SPRED1: variants seen among roughly 807,000 people sequenced by gnomAD.
SPRED1 encodes sprouty-related, EVH1 domain-containing protein 1.
SPRED1 carries 18 observed loss-of-function variants against 52.3 expected under a neutral mutation model. That is an observed-to-expected ratio of 0.34 (90% CI 0.24 to 0.51). The LOEUF (loss-of-function observed/expected upper bound fraction) is 0.51. SPRED1 is among the 20% of genes least tolerant of loss of function. The pLI is 0.97. For missense variants in SPRED1, 485 were observed against 551.0 expected, an observed-to-expected ratio of 0.88 and a Z score of 1.20; for synonymous variants, 155 against 179.7, an observed-to-expected ratio of 0.86 and a Z score of 1.10.
At chr15:38,345,505 G>T (rs1429559305) in intron 5 of SPRED1, among the ~76,000 whole-genome samples, 4 of 152,206 alleles carry the variant, frequency 2.6e-5, no homozygotes, top group Admixed American at 2.6e-4. Flanking sequence ...GATTAAGCTA[G>T]CAAGTTAACG....
chr15:38,261,862 G>A (rs748953667), intron 1 of SPRED1, among the ~76,000 whole-genome samples: 9 of 152,200 alleles, frequency 5.9e-5, no homozygotes, highest in Non-Finnish European at 1.2e-4. Flanking sequence ...CTATATATTA[G>A]CATCCCGTGG....
At position 38,253,082 on chromosome 15, in the gene SPRED1, C is replaced by T; in HGVS notation, c.-104C>T. ...TGGTGAGGCCCCTGTGCCGCTGCCCCCGCGCCCCCCCGGCCGCCGCTGCCT... is the reference window on the plus strand; with the variant it reads ...TGGTGAGGCCCCTGTGCCGCTGCCCTCGCGCCCCCCCGGCCGCCGCTGCCT... On this transcript the variant is annotated 5_prime_UTR_variant, in exon 1 of 7. Coordinates refer to ENST00000299084, the MANE Select transcript of SPRED1 (RefSeq NM_152594.3). 1 of 985,468 alleles carries T rather than the reference C, an allele frequency of 1.0e-6. No homozygotes were observed. The highest frequency in any genetic ancestry group is 1.4e-5 in the South Asian group (1 of 72,916). The allele number at this position is 985,468 out of a possible 1,614,324, so 61.0% of individuals were successfully genotyped here.
chr15:38,345,677 G>A (rs183020746), intron 5 of SPRED1, among the ~76,000 whole-genome samples: 2 of 152,216 alleles, frequency 1.3e-5, no homozygotes, highest in South Asian at 2.1e-4. Context: ...TTGTCCACTC[G>A]GTGGGTTTGC....
intron 1 of SPRED1, among the ~76,000 whole-genome samples, chr15:38,294,716 A>G (rs1247756469): frequency 1.3e-5 from 2 of 152,212 alleles, no homozygotes; most frequent in African/African-American, 4.8e-5. Flanking sequence ...GCTGTTAGAA[A>G]TGTATCCAAA....
intron 1 of SPRED1, among the ~76,000 whole-genome samples, chr15:38,276,319 G>A (rs1012335037): frequency 6.6e-6 from 1 of 150,500 alleles, no homozygotes; most frequent in Non-Finnish European, 1.5e-5. Flanking sequence ...TAATTCAAAT[G>A]ACTTAGGATT....
intron 1 of SPRED1, among the ~76,000 whole-genome samples, chr15:38,273,215 G>A (rs986079594): frequency 2.6e-5 from 4 of 152,088 alleles, no homozygotes; most frequent in African/African-American, 9.7e-5. Flanking sequence ...GGCTGGGATA[G>A]CTGGCTAGCC....
At chr15:38,268,363 A>G (rs1894356913) in intron 1 of SPRED1, 1 of 152,270 alleles carries the variant, frequency 6.6e-6, no homozygotes, top group African/African-American at 2.4e-5. Flanking sequence ...AATACTTCAC[A>G]GTAGTTTAGA....
At chr15:38,291,859 G>A (rs981351676) in intron 1 of SPRED1, among the ~76,000 whole-genome samples, 1 of 152,170 alleles carries the variant, frequency 6.6e-6, no homozygotes, top group African/African-American at 2.4e-5. Flanking sequence ...GGTCTTTGAC[G>A]TGGCCTGGAG....
intron 1 of SPRED1, among the ~76,000 whole-genome samples, chr15:38,296,677 A>G (rs77737966): frequency 0.091 from 13,812 of 152,238 alleles, 757 homozygotes; most frequent in East Asian, 0.21. Flanking sequence ...CCTCCAAAAT[A>G]TAACCAAATC....
At chr15:38,309,711 GT>G (rs1162590165) in intron 2 of SPRED1, among the ~76,000 whole-genome samples, 3 of 152,108 alleles carry the variant, frequency 2.0e-5, no homozygotes, top group Non-Finnish European at 2.9e-5. Flanking sequence ...TTTCCTGAAA[GT>G]TTTATATAAT....
In SPRED1 at chr15:38,322,405, T is replaced by C. The variant is rs2140994948; in HGVS notation, c.372T>C (p.Ser124=). The change falls in exon 3 of 7, where the codon TCT becomes TCC. Residue 124 remains serine (S), a synonymous_variant. Coordinates refer to ENST00000299084, the MANE Select transcript of SPRED1 (RefSeq NM_152594.3). ...RGIRRAIEDI[S]QGCPESKNEA... The stretch of plus-strand genomic sequence containing the variant: ...TCCGAAGAGCTATAGAGGATATTTC[T>C]CAAGGTAGGTATTCTTGACTATTTT... The C allele has an allele frequency of 6.2e-7, 1 of 1,613,604 alleles. No homozygotes were observed. Among genetic ancestry groups the C allele is most frequent in the South Asian group, 1.1e-5 (1 of 91,074 alleles).
At chr15:38,262,618 G>A (rs1464386128) in intron 1 of SPRED1, among the ~76,000 whole-genome samples, 2 of 152,210 alleles carry the variant, frequency 1.3e-5, no homozygotes, top group Non-Finnish European at 1.5e-5. Context: ...ATTGTGAGTA[G>A]TGTAGATTTG....
intron 4 of SPRED1, among the ~76,000 whole-genome samples, chr15:38,329,223 A>C (rs1385573744): frequency 1.3e-5 from 2 of 152,178 alleles, no homozygotes; most frequent in Non-Finnish European, 2.9e-5. Context: ...GGCAGAAGAA[A>C]GATGAGATCT....
At chr15:38,347,461 C>CTTTTTTTTT (rs3075337) in intron 5 of SPRED1, among the ~76,000 whole-genome samples, 6 of 93,244 alleles carry the variant, frequency 6.4e-5, no homozygotes, top group African/African-American at 2.0e-4. Context: ...CCGCTTGGAT[C>CTTTTTTTTT]TTTTTTTTTT....
At chr15:38,262,129 A>G (rs192009063) in intron 1 of SPRED1, among the ~76,000 whole-genome samples, 7 of 151,846 alleles carry the variant, frequency 4.6e-5, no homozygotes, top group Admixed American at 2.0e-4. Flanking sequence ...GATTATATAT[A>G]TTGACTTTTT....
intron 2 of SPRED1, among the ~76,000 whole-genome samples, chr15:38,311,925 G>A (rs1427250244): frequency 6.6e-6 from 1 of 151,780 alleles, no homozygotes; most frequent in Non-Finnish European, 1.5e-5. Context: ...CTTGCTTTGG[G>A]TTTATTTTGC....
intron 4 of SPRED1, among the ~76,000 whole-genome samples, chr15:38,329,356 G>A (rs1161419627): frequency 6.6e-6 from 1 of 152,154 alleles, no homozygotes; most frequent in Admixed American, 6.5e-5. Flanking sequence ...AGAAGGCTAT[G>A]ATTTATGTTT....
chr15:38,341,494 A>G (rs1361385668), intron 5 of SPRED1, among the ~76,000 whole-genome samples: 1 of 151,812 alleles, frequency 6.6e-6, no homozygotes, highest in African/African-American at 2.4e-5. Flanking sequence ...ACATTTTACA[A>G]TATTTTCTAG....
chr15:38,284,453 A>G (rs1370282820), intron 1 of SPRED1, among the ~76,000 whole-genome samples: 2 of 152,126 alleles, frequency 1.3e-5, no homozygotes, highest in African/African-American at 2.4e-5. Flanking sequence ...AATCTTTGCC[A>G]TATATGATAA....
Sources: gnomAD v4.1 joint callset for allele counts (sites outside exome capture counted in the v4.1 genomes callset) on GRCh38, gnomAD v4.1.1 for gene constraint, MANE v1.5 for transcripts, NCBI Gene and HGNC (gene_info 2026-07-23, HGNC 2026-07-21) for gene names.